Variants in FXYD2 observed in about 807,000 individuals in gnomAD.
FXYD2 encodes the protein FXYD domain containing ion transport regulator 2, also known as sodium/potassium-transporting ATPase subunit gamma.
Under a neutral mutation model 11.8 loss-of-function variants are expected in FXYD2, and 8 were observed. The ratio of observed to expected loss-of-function variants is 0.68; its 90% confidence interval spans 0.40 to 1.22. The LOEUF is 1.22. Among genes scored for constraint, FXYD2 ranks in the 50% most tolerant of loss-of-function variants. The pLI is 0.01. For synonymous variants in FXYD2, 42 were observed against 33.3 expected (o/e 1.26, Z -0.90); for missense variants, 92 against 91.8 (o/e 1.00, Z -0.01).
chr11:117,821,522 T>G (rs1377718766), intron 3 of FXYD2: 2 of 985,832 alleles, frequency 2.0e-6, no homozygotes, highest in Non-Finnish European at 2.4e-6. Context: ...AGCTGCCCGA[T>G]GAACACCTGG....
chr11:117,822,600 A>T lies in FXYD2; in HGVS notation c.64+79T>A. The T allele has an allele frequency of 6.3e-7, 1 of 1,578,998 alleles. No individual in the cohort carries two copies. Among genetic ancestry groups the T allele is most frequent in the East Asian group, 2.3e-5 (1 of 43,668 alleles). On this transcript the variant is annotated intron_variant, in intron 2 of 5. Coordinates refer to ENST00000292079, the MANE Select transcript of FXYD2 (RefSeq NM_001680.5). This position sits in a 1 kb window ranked among gnomAD's most constrained non-coding sequence, Gnocchi z 4.7. ...GGGAGATAAGGGGCACAGAGCATGGACCTGGGGCTGGGAGAGGCCGCTGCT... is the reference window on the plus strand; with the variant it reads ...GGGAGATAAGGGGCACAGAGCATGGTCCTGGGGCTGGGAGAGGCCGCTGCT...
upstream of FXYD2, among the ~76,000 whole-genome samples, chr11:117,827,131 GATAGATAT>G (rs1438564603): frequency 7.8e-6 from 1 of 128,526 alleles, no homozygotes; most frequent in Non-Finnish European, 1.7e-5. Context: ...TAGATAGATA[GATAGATAT>G]GGATGATAGA....
At chr11:117,827,152 G>A (rs79074324), upstream of FXYD2, among the ~76,000 whole-genome samples, 3,706 of 152,180 alleles carry the variant, frequency 0.024, 240 homozygotes, top group East Asian at 0.22. Flanking sequence ...ATGATAGATC[G>A]ATCAATAGAT....
At chr11:117,820,921 T>C in intron 3 of FXYD2, 26 bp from the exon 4 acceptor site, 1 of 1,614,102 alleles carries the variant, frequency 6.2e-7, no homozygotes, top group Non-Finnish European at 8.5e-7. Flanking sequence ...GGAGATTTGT[T>C]TCCATGGACT....
In FXYD2 at chr11:117,822,123, C is replaced by T; in HGVS notation, c.139+283G>A. 1 of 1,373,040 alleles carries T rather than the reference C, an allele frequency of 7.3e-7. No homozygotes were observed. Among genetic ancestry groups the T allele is most frequent in the South Asian group, 1.5e-5 (1 of 65,790 alleles). 85.1% of individuals were successfully genotyped at this position (1,373,040 alleles called of 1,614,324 possible). A position where few individuals can be genotyped will look rare whatever the true frequency, so the allele number is the denominator to read the frequency against. ...GGTTAGCAGCGGGGGGCCTAGTCCC[C>T]CTGTCTGGCCCTCCGGTTACCCAGT... On this transcript the variant is annotated intron_variant, in intron 3 of 5. Transcript: ENST00000292079. This position sits in a 1 kb window ranked among gnomAD's most constrained non-coding sequence, Gnocchi z 4.7.
chr11:117,822,781 T>C lies in FXYD2; in HGVS notation c.26-64A>G, dbSNP rs2055940910. The C allele has an allele frequency of 1.3e-6, 2 of 1,579,880 alleles. No individual in the cohort carries two copies. The highest frequency in any genetic ancestry group is 2.3e-5 in the South Asian group (2 of 86,584). On this transcript the variant is annotated intron_variant, in intron 1 of 5. Coordinates refer to ENST00000292079, the MANE Select transcript of FXYD2 (RefSeq NM_001680.5). This position sits in a 1 kb window ranked among gnomAD's most constrained non-coding sequence, Gnocchi z 4.7. ...ATGGTGAGCCAGCCACAGGAACAGCTGGAATTCCCTGTCCTTCCCTTCCCA... is the reference window on the plus strand; with the variant it reads ...ATGGTGAGCCAGCCACAGGAACAGCCGGAATTCCCTGTCCTTCCCTTCCCA...
chr11:117,822,663 A>G lies in FXYD2; in HGVS notation c.64+16T>C, dbSNP rs1337844836. ...TCCTGAGGGCTCAGGAAGGGTGCGCAGGGGCCCAGGCTTACCATAGTAGAA... is the reference window on the plus strand; with the variant it reads ...TCCTGAGGGCTCAGGAAGGGTGCGCGGGGGCCCAGGCTTACCATAGTAGAA... On this transcript the variant is annotated intron_variant, in intron 2 of 5. Coordinates refer to ENST00000292079, the MANE Select transcript of FXYD2 (RefSeq NM_001680.5). The surrounding 1 kb of genome is among the most constrained non-coding windows in gnomAD (Gnocchi z 4.7). 3 of 1,608,180 alleles carry G rather than the reference A, an allele frequency of 1.9e-6. No homozygotes were observed. The highest frequency in any genetic ancestry group is 2.5e-6 in the Non-Finnish European group (3 of 1,178,240).
chr11:117,820,719 C>G (rs996071296), intron 4 of FXYD2, 23 bp from the exon 5 acceptor site: 3 of 1,613,852 alleles, frequency 1.9e-6, no homozygotes, highest in Non-Finnish European at 2.5e-6. Flanking sequence ...GGAAAAGCAA[C>G]AGGTGAGAGG....
In FXYD2 at chr11:117,820,687, A is replaced by T. The variant is rs1044799074; in HGVS notation, c.186T>A (p.Asn62Lys). 1.2e-5 allele frequency: 20 copies of T among 1,613,828 alleles called. No homozygotes were observed. Among genetic ancestry groups the T allele is most frequent in the Non-Finnish European group, 1.7e-5 (20 of 1,179,946 alleles). ...CGGNKKRRQI[N>K]EDEP ...ATACCTGCTGTTACGGCTCATCTTC[A>T]TTGATTTGCCTGGTGGGGGAAGGAA... Residue 62 changes from asparagine (N) to lysine (K), a missense_variant, in exon 5 of 6, where the codon AAT becomes AAA. Coordinates refer to ENST00000292079, the MANE Select transcript of FXYD2 (RefSeq NM_001680.5).
At chr11:117,823,957 G>C (rs181013915) in intron 1 of FXYD2, among the ~76,000 whole-genome samples, 1 of 152,240 alleles carries the variant, frequency 6.6e-6, no homozygotes, top group Non-Finnish European at 1.5e-5. Context: ...ACAGAAGGCC[G>C]TCAGGGCTGT....
Position 117,822,457 on chromosome 11 carries a change from C to A in FXYD2, c.88G>T (p.Gly30Cys), listed in dbSNP as rs1738601927. The change falls in exon 3 of 6, where the codon GGC (glycine) becomes TGC (cysteine). Residue 30 changes from glycine to cysteine, a missense_variant. Coordinates refer to ENST00000292079, the MANE Select transcript of FXYD2 (RefSeq NM_001680.5). The surrounding 1 kb of genome is among the most constrained non-coding windows in gnomAD (Gnocchi z 4.7). The part of the protein sequence containing the change: ...YYDYETVRNG[G>C]LIFAGLAFIV... ...AAGGCCAGTCCAGCGAAGATCAGGC[C>A]CCCATTGCGAACGGTCTCATAGTCT... The A allele has an allele frequency of 1.9e-6, 3 of 1,562,950 alleles. No individual in the cohort carries two copies. The highest frequency in any genetic ancestry group is 2.6e-6 in the Non-Finnish European group (3 of 1,152,768).
At chr11:117,820,950 T>C in intron 3 of FXYD2, 55 bp from the exon 4 acceptor site, 1 of 1,613,888 alleles carries the variant, frequency 6.2e-7, no homozygotes, top group Non-Finnish European at 8.5e-7. Flanking sequence ...AAGGAGACCC[T>C]GGAAGACTCA....
chr11:117,820,951 G>A (rs2055887478), intron 3 of FXYD2, 56 bp from the exon 4 acceptor site: 2 of 1,613,766 alleles, frequency 1.2e-6, no homozygotes, highest in East Asian at 2.2e-5. Flanking sequence ...AGGAGACCCT[G>A]GAAGACTCAA....
chr11:117,821,337 A>T (rs752796966), intron 3 of FXYD2: 13 of 988,642 alleles, frequency 1.3e-5, no homozygotes, highest in Non-Finnish European at 1.6e-5. Context: ...CCGGCATTAC[A>T]GGCATGAGCC....
Position 117,820,915 on chromosome 11 carries a change from A to G in FXYD2, c.140-20T>C. 6.2e-7 allele frequency: 1 copy of G among 1,613,264 alleles called. No individual in the cohort carries two copies. Among genetic ancestry groups the G allele is most frequent in the Non-Finnish European group, 8.5e-7 (1 of 1,179,888 alleles). Reference sequence around the variant, plus strand: ...TTCTGCCTTGAAAAGAGAAAAGGAGATTTGTTTCCATGGACTAATTTTCCA... The same window carrying G: ...TTCTGCCTTGAAAAGAGAAAAGGAGGTTTGTTTCCATGGACTAATTTTCCA... On this transcript the variant is annotated intron_variant, in intron 3 of 5. Coordinates refer to ENST00000292079, the MANE Select transcript of FXYD2 (RefSeq NM_001680.5).
rs1329298535 is a variant in FXYD2, at chr11:117,824,502, A to G, written c.25+152T>C. On this transcript the variant is annotated intron_variant, in intron 1 of 5. Transcript: ENST00000292079. The surrounding 1 kb of genome is among the most constrained non-coding windows in gnomAD (Gnocchi z 4.0). ...CCTCCTTTAAGTTGCAAATTTTCTTAGAGAGGAGGCCGACAGGAAGAGGGG... is the reference window on the plus strand; with the variant it reads ...CCTCCTTTAAGTTGCAAATTTTCTTGGAGAGGAGGCCGACAGGAAGAGGGG... 4 of 711,914 alleles carry G rather than the reference A, an allele frequency of 5.6e-6. No individual in the cohort carries two copies. Among genetic ancestry groups the G allele is most frequent in the Non-Finnish European group, 1.0e-5 (4 of 391,618 alleles). 44.1% of individuals were successfully genotyped at this position (711,914 alleles called of 1,614,324 possible).
chr11:117,820,527 G>C, intron 5 of FXYD2, 139 bp downstream of exon 5: 1 of 1,071,208 alleles, frequency 9.3e-7, no homozygotes, highest in South Asian at 1.4e-5. Context: ...TTAAACACAC[G>C]ATGGGTGACA....
In FXYD2 at chr11:117,820,851, G is replaced by A; in HGVS notation, c.176+8C>T. ...ACCCCCTCATCGGTCACCCCAGGCAGCGCTCACCTGCGCTTCTTATTGCCC... is the reference window on the plus strand; with the variant it reads ...ACCCCCTCATCGGTCACCCCAGGCAACGCTCACCTGCGCTTCTTATTGCCC... On this transcript the variant is annotated splice_region_variant and intron_variant, in intron 4 of 5. Coordinates refer to ENST00000292079, the MANE Select transcript of FXYD2 (RefSeq NM_001680.5). The A allele has an allele frequency of 6.2e-7, 1 of 1,612,838 alleles. No homozygotes were observed. Among genetic ancestry groups the A allele is most frequent in the Non-Finnish European group, 8.5e-7 (1 of 1,179,862 alleles).
chr11:117,821,838 A>C, intron 3 of FXYD2: 2 of 995,920 alleles, frequency 2.0e-6, no homozygotes, highest in Non-Finnish European at 1.2e-6. Flanking sequence ...TGCTTGCTGT[A>C]TCTTCTTTCC....
Sources: gnomAD v4.1 joint callset for allele counts (sites outside exome capture counted in the v4.1 genomes callset) on GRCh38, gnomAD v4.1.1 for gene constraint, Gnocchi (gnomAD v3.1) non-coding constraint, MANE v1.5 for transcripts, NCBI Gene and HGNC (gene_info 2026-07-23, HGNC 2026-07-21) for gene names.